PNMA8A: variants seen among roughly 807,000 people sequenced by gnomAD.
The protein encoded by PNMA8A is PNMA family member 8A, also known as paraneoplastic antigen-like protein 8A.
Under a neutral mutation model 26.6 loss-of-function variants are expected in PNMA8A, and 17 were observed. That is an observed-to-expected ratio of 0.64 (90% CI 0.44 to 0.96). The LOEUF (loss-of-function observed/expected upper bound fraction) is 0.96, where lower values mean the gene tolerates loss of function less well. Ranked by LOEUF, PNMA8A falls within the 40% of genes least tolerant of loss-of-function variation. The probability of loss-of-function intolerance (pLI) is 0.00; values close to 1 mark genes in which losing one functional copy is unlikely to be tolerated. For synonymous variants in PNMA8A, 224 were observed against 182.0 expected (o/e 1.23, Z -1.86); for missense variants, 532 against 488.4 (o/e 1.09, Z -0.84).
intron 2 of PNMA8A, among the ~76,000 whole-genome samples, chr19:46,468,977 A>G (rs1258981411): frequency 6.6e-6 from 1 of 152,244 alleles, no homozygotes; most frequent in Non-Finnish European, 1.5e-5. Context: ...CTGGGATTAC[A>G]GGCACAAACC....
chr19:46,469,325 G>C (rs1457541738), intron 2 of PNMA8A, among the ~76,000 whole-genome samples: 2 of 152,068 alleles, frequency 1.3e-5, no homozygotes, highest in African/African-American at 4.8e-5. Flanking sequence ...GGCCAGGCTG[G>C]TCTTGAACTC....
rs1220041322 is a variant in PNMA8A, at chr19:46,468,404, C to T, written c.*157G>A. ...CCACCTCCCTTCCCCAACTCCCTCC[C>T]ACCCAAGACCTCACCTATCGTTTAC... is the stretch of plus-strand genomic sequence containing the variant. On this transcript the variant is annotated 3_prime_UTR_variant, in exon 3 of 3. Transcript: ENST00000313683. The T allele has an allele frequency of 1.6e-6, 1 of 606,646 alleles. No individual in the cohort carries two copies. The highest frequency in any genetic ancestry group is 3.0e-6 in the Non-Finnish European group (1 of 336,226). The allele number at this position is 606,646 out of a possible 1,614,324, so 37.6% of individuals were successfully genotyped here. A position where few individuals can be genotyped will look rare whatever the true frequency, so the allele number is the denominator to read the frequency against.
At chr19:46,469,631 CCCA>C in intron 2 of PNMA8A, 99 bp downstream of exon 2, 1 of 1,328,384 alleles carries the variant, frequency 7.5e-7, no homozygotes, top group Non-Finnish European at 1.0e-6. Flanking sequence ...ACCCGCTTGA[CCCA>C]CCACCTCCTC....
rs1330225519 is a variant in PNMA8A at position 46,470,322 on chromosome 19, C to T, written c.714G>A (p.Lys238=). Residue 238 remains lysine (K), a synonymous_variant, in exon 2 of 3, where the codon AAG becomes AAA. Transcript: ENST00000313683. ...TCTGCTTCTTTCTCCTGGAGCGAGA[C>T]TTAGCTCCAGCCCTGCGAACCAAAG... ...TKPLVRRAGA[K]SRSRRKKQKK... 1.2e-6 allele frequency: 2 copies of T among 1,613,856 alleles called. No homozygotes were observed. The highest frequency in any genetic ancestry group is 4.5e-5 in the East Asian group (2 of 44,890).
At chr19:46,469,206 T>C (rs371152887) in intron 2 of PNMA8A, among the ~76,000 whole-genome samples, 14 of 151,654 alleles carry the variant, frequency 9.2e-5, no homozygotes, top group African/African-American at 3.4e-4. Context: ...CCTCCCGGGT[T>C]CAAGAGATTC....
At position 46,468,726 on chromosome 19, in the gene PNMA8A, G is replaced by C. The variant is rs7255749; in HGVS notation, c.1304-149C>G. 435 of 605,728 alleles carry C rather than the reference G, an allele frequency of 7.2e-4. 1 individual carries two copies. In the African/African-American group the frequency reaches 7.3e-3, roughly 10 times the overall value. The allele number at this position is 605,728 out of a possible 1,614,324, so 37.5% of individuals were successfully genotyped here. ...CTTCACCCTTAAAGCCACATACCCT[G>C]CAAACACCATAACTCCAAAGTATTA... On this transcript the variant is annotated intron_variant, in intron 2 of 2. Transcript: ENST00000313683.
Position 46,470,348 on chromosome 19 carries a change from G to C in PNMA8A, c.688C>G (p.Pro230Ala). ...ATEDQHEPTK[P>A]LVRRAGAKSR... ...TTAGCTCCAGCCCTGCGAACCAAAG[G>C]TTTGGTAGGCTCATGCTGGTCTTCC... The change falls in exon 2 of 3, where the codon CCT (proline) becomes GCT (alanine). Residue 230 changes from proline (P) to alanine (A), a missense_variant. Physicochemically the swap from Pro to Ala is conservative, Grantham distance 27. Coordinates refer to ENST00000313683, the MANE Select transcript of PNMA8A (RefSeq NM_018215.4). 1 of 1,614,012 alleles carries C rather than the reference G, an allele frequency of 6.2e-7. No individual in the cohort carries two copies.
rs974111615 is a variant in PNMA8A, at chr19:46,470,277, T to G, written c.759A>C (p.Glu253Asp). The G allele has an allele frequency of 6.2e-7, 1 of 1,613,766 alleles. No individual in the cohort carries two copies. Among genetic ancestry groups the G allele is most frequent in the Non-Finnish European group, 8.5e-7 (1 of 1,180,042 alleles). ...CTTTGGGTTTTTTCCAGGGCACTGC[T>G]TCCTGCCTGGAGTTCTTCTTCTGCT... ...RKKQKKNSRQ[E>D]AVPWKKPKGI... is the part of the protein sequence containing the mutation. Residue 253 changes from glutamate to aspartate, a missense_variant, in exon 2 of 3, where the codon GAA becomes GAC. Glu to Asp is a conservative substitution (Grantham distance 45). Coordinates refer to ENST00000313683, the MANE Select transcript of PNMA8A (RefSeq NM_018215.4).
chr19:46,470,257 G>A lies in PNMA8A; in HGVS notation c.779C>T (p.Pro260Leu), dbSNP rs768488695. Residue 260 changes from proline to leucine, a missense_variant, in exon 2 of 3, where the codon CCC becomes CTC. Coordinates refer to ENST00000313683, the MANE Select transcript of PNMA8A (RefSeq NM_018215.4). ...TGTGCTGTTGGAATTGATGCCTTTG[G>A]GTTTTTTCCAGGGCACTGCTTCCTG... ...SRQEAVPWKK[P>L]KGINSNSTAN... is the part of the protein sequence containing the mutation. 5.0e-6 allele frequency: 8 copies of A among 1,613,816 alleles called. No individual in the cohort carries two copies. In the Admixed American group the frequency reaches 5.0e-5, roughly 10 times the overall value.
Position 46,471,495 on chromosome 19 carries a change from G to C in PNMA8A, c.-238C>G, listed in dbSNP as rs3760834. The C allele has an allele frequency of 0.24, 37,275 of 153,918 alleles. 4,739 individuals carry two copies. The highest frequency in any genetic ancestry group is 0.28 in the African/African-American group (11,744 of 41,590). 9.5% of individuals were successfully genotyped at this position (153,918 alleles called of 1,614,324 possible). On this transcript the variant is annotated 5_prime_UTR_variant, in exon 1 of 3. Transcript: ENST00000313683. ...CCCGCTCCGGCCCAGGCGGGTCACG[G>C]GGCGTCCAGACTCGATGCCGTTAGC...
At position 46,471,455 on chromosome 19, in the gene PNMA8A, A is replaced by T. The variant is rs1470634878; in HGVS notation, c.-198T>A. 1 of 157,124 alleles carries T rather than the reference A, an allele frequency of 6.4e-6. No homozygotes were observed. Among genetic ancestry groups the T allele is most frequent in the Admixed American group, 6.4e-5 (1 of 15,708 alleles). The allele number at this position is 157,124 out of a possible 1,614,324, so 9.7% of individuals were successfully genotyped here. ...GCTGCTAGAGGCAGAAAGGGCCAAG[A>T]AGGCGCCGTCCGCCCCCGCTCCGGC... On this transcript the variant is annotated 5_prime_UTR_variant, in exon 1 of 3. Coordinates refer to ENST00000313683, the MANE Select transcript of PNMA8A (RefSeq NM_018215.4).
In PNMA8A at chr19:46,470,390, T is replaced by TG; in HGVS notation, c.645dup (p.Asn216GlnfsTer11). 3.1e-6 allele frequency: 5 copies of TG among 1,614,082 alleles called. No individual in the cohort carries two copies. Among genetic ancestry groups the TG allele is most frequent in the Middle Eastern group, 1.6e-4 (1 of 6,062 alleles). On this transcript the variant is annotated frameshift_variant, in exon 2 of 3. Coordinates refer to ENST00000313683, the MANE Select transcript of PNMA8A (RefSeq NM_018215.4). LOFTEE classifies it high-confidence loss of function. Reference sequence around the variant, plus strand: ...TGGTCTTCCGTGGCATTCCAGTTGTTGGGGGTCTCTGCCTTTAAGGCAGAA... The same window carrying TG: ...TGGTCTTCCGTGGCATTCCAGTTGTTGGGGGGTCTCTGCCTTTAAGGCAGAA...
Position 46,470,285 on chromosome 19 carries a change from TG to T in PNMA8A, c.750del (p.Arg251GlyfsTer46), listed in dbSNP as rs1969768776. ...RSRRKKQKKNSRQEAVPWKKP... is the reference protein window; with the variant it reads ...RSRRKKQKKNXRQEAVPWKKP... ...TTTTTCCAGGGCACTGCTTCCTGCC[TG>T]GAGTTCTTCTTCTGCTTCTTTCTCC... On this transcript the variant is annotated frameshift_variant, in exon 2 of 3. Coordinates refer to ENST00000313683, the MANE Select transcript of PNMA8A (RefSeq NM_018215.4). LOFTEE classifies it high-confidence loss of function. 1 of 1,613,736 alleles carries T rather than the reference TG, an allele frequency of 6.2e-7. No homozygotes were observed. Among genetic ancestry groups the T allele is most frequent in the Admixed American group, 1.7e-5 (1 of 60,018 alleles).
rs1969790663 is a variant in PNMA8A at position 46,471,317 on chromosome 19, C to A, written c.-80+20G>T. ...ACCCTCCCCCGGGCCTGACGCTCCG[C>A]CTGCCCAGCCGGGACTTACTTGGCA... On this transcript the variant is annotated intron_variant, in intron 1 of 2. Coordinates refer to ENST00000313683, the MANE Select transcript of PNMA8A (RefSeq NM_018215.4). The A allele has an allele frequency of 7.2e-6, 2 of 278,450 alleles. No homozygotes were observed. Among genetic ancestry groups the A allele is most frequent in the Non-Finnish European group, 1.3e-5 (2 of 148,856 alleles). 17.2% of individuals were successfully genotyped at this position (278,450 alleles called of 1,614,324 possible). A position where few individuals can be genotyped will look rare whatever the true frequency, so the allele number is the denominator to read the frequency against.
In PNMA8A at chr19:46,468,519, T is replaced by C. The variant is rs1320335591; in HGVS notation, c.*42A>G. 1 of 1,601,470 alleles carries C rather than the reference T, an allele frequency of 6.2e-7. No homozygotes were observed. The highest frequency in any genetic ancestry group is 1.3e-5 in the African/African-American group (1 of 74,790). On this transcript the variant is annotated 3_prime_UTR_variant, in exon 3 of 3. Coordinates refer to ENST00000313683, the MANE Select transcript of PNMA8A (RefSeq NM_018215.4). Reference sequence around the variant, plus strand: ...GAGAACTTGGTTGACTTGGTACTTCTTCCTTGTTCTTTCAACTCCTCAGTA... The same window carrying C: ...GAGAACTTGGTTGACTTGGTACTTCCTCCTTGTTCTTTCAACTCCTCAGTA...
In PNMA8A at chr19:46,471,318, C is replaced by CT; in HGVS notation, c.-80+18dup. On this transcript the variant is annotated intron_variant, in intron 1 of 2. Transcript: ENST00000313683. ...CCCTCCCCCGGGCCTGACGCTCCGC[C>CT]TGCCCAGCCGGGACTTACTTGGCAG... 7.2e-6 allele frequency: 2 copies of CT among 278,928 alleles called. No individual in the cohort carries two copies. Among genetic ancestry groups the CT allele is most frequent in the Admixed American group, 5.0e-5 (1 of 20,112 alleles). 17.3% of individuals were successfully genotyped at this position (278,928 alleles called of 1,614,324 possible).
rs1440870297 is a variant in PNMA8A at position 46,466,775 on chromosome 19, G to T, written c.*1786C>A. On this transcript the variant is annotated 3_prime_UTR_variant, in exon 3 of 3. Transcript: ENST00000313683. ...TCAGACTCACTCAGGATTTTGAAAT[G>T]AATCATCACGAGAAATTTGTTTTAA... The T allele has an allele frequency of 7.9e-5, 12 of 152,122 alleles. No homozygotes were observed. The highest frequency in any genetic ancestry group is 7.9e-4 in the Admixed American group (12 of 15,252). 9.4% of individuals were successfully genotyped at this position (152,122 alleles called of 1,614,324 possible). A position where few individuals can be genotyped will look rare whatever the true frequency, so the allele number is the denominator to read the frequency against.
At position 46,469,768 on chromosome 19, in the gene PNMA8A, G is replaced by A; in HGVS notation, c.1268C>T (p.Ala423Val). The change falls in exon 2 of 3, where the codon GCC becomes GTC. Residue 423 changes from alanine (A) to valine (V), a missense_variant. Physicochemically the swap from Ala to Val is moderately conservative, Grantham distance 64. Transcript: ENST00000313683. ...ACGCCGAGGAGAGCCTTCTGGCTTG[G>A]CCTTCGGACCCCTAGAGGTTGAGGC... ...ATASTSRGPK[A>V]KPEGSPRRAT... The A allele has an allele frequency of 1.2e-6, 2 of 1,611,942 alleles. No homozygotes were observed. Among genetic ancestry groups the A allele is most frequent in the Non-Finnish European group, 1.7e-6 (2 of 1,179,458 alleles).
At position 46,469,880 on chromosome 19, in the gene PNMA8A, G is replaced by T. The variant is rs765135766; in HGVS notation, c.1156C>A (p.Pro386Thr). 1 of 1,614,208 alleles carries T rather than the reference G, an allele frequency of 6.2e-7. No homozygotes were observed. Among genetic ancestry groups the T allele is most frequent in the Non-Finnish European group, 8.5e-7 (1 of 1,180,036 alleles). The change falls in exon 2 of 3, where the codon CCG (proline) becomes ACG (threonine). Residue 386 changes from proline to threonine, a missense_variant. By Grantham distance (38) the Pro-to-Thr change is conservative (BLOSUM62 -1). Coordinates refer to ENST00000313683, the MANE Select transcript of PNMA8A (RefSeq NM_018215.4). ...CCTGGCCCTTTCTTTGGCATCACCG[G>T]CTTCTTCCTGCCATCTTCTGAGTCA... ...LVDSEDGRKK[P>T]VMPKKGPGSR...
Sources: gnomAD v4.1 joint callset for allele counts (sites outside exome capture counted in the v4.1 genomes callset) on GRCh38, gnomAD v4.1.1 for gene constraint, MANE v1.5 for transcripts, NCBI Gene and HGNC (gene_info 2026-07-23, HGNC 2026-07-21) for gene names.